CIP2A: variants seen among roughly 807,000 people sequenced by gnomAD.
CIP2A encodes the protein cellular inhibitor of PP2A.
A neutral mutation model predicts 110.9 loss-of-function variants in CIP2A; 103 were observed. That is an observed-to-expected ratio of 0.93 (90% CI 0.79 to 1.09). The LOEUF (loss-of-function observed/expected upper bound fraction) is 1.09, where lower values mean the gene tolerates loss of function less well. Among genes scored for constraint, CIP2A ranks in the 50% least tolerant of loss-of-function variants. CIP2A has a pLI of 0.00. For synonymous variants in CIP2A, 381 were observed against 361.6 expected, an observed-to-expected ratio of 1.05 and a Z score of -0.61; for missense variants, 1,088 against 1,038.4, an observed-to-expected ratio of 1.05 and a Z score of -0.66.
At chr3:108,570,230 A>T (rs6779762) in intron 8 of CIP2A, among the ~76,000 whole-genome samples, 34,983 of 146,588 alleles carry the variant, frequency 0.24, 4,705 homozygotes, top group Non-Finnish European at 0.31. Flanking sequence ...AAAAAAAAAA[A>T]ATTTCTTAAG....
At chr3:108,584,030 ATC>A (rs1938968171) in intron 2 of CIP2A, among the ~76,000 whole-genome samples, 1 of 152,218 alleles carries the variant, frequency 6.6e-6, no homozygotes, top group Non-Finnish European at 1.5e-5. Context: ...AAGTGGAAGA[ATC>A]TTTTCAGAAA....
intron 5 of CIP2A, among the ~76,000 whole-genome samples, chr3:108,580,207 C>G (rs1429578199): frequency 2.6e-5 from 4 of 152,138 alleles, no homozygotes; most frequent in African/African-American, 9.7e-5. Flanking sequence ...CACCGTGGAG[C>G]AGCAATTAAC....
intron 8 of CIP2A, among the ~76,000 whole-genome samples, chr3:108,573,665 T>C (rs1460880128): frequency 6.6e-6 from 1 of 152,018 alleles, no homozygotes; most frequent in Admixed American, 6.6e-5. Flanking sequence ...TTAAGATCCA[T>C]TTAGATACTA....
intron 2 of CIP2A, among the ~76,000 whole-genome samples, chr3:108,584,298 C>A (rs889413153): frequency 6.6e-6 from 1 of 152,180 alleles, no homozygotes; most frequent in Non-Finnish European, 1.5e-5. Flanking sequence ...TGCTCCACAA[C>A]ACCATTTGTG....
At position 108,552,453 on chromosome 3, in the gene CIP2A, G is replaced by A. The variant is rs531622250; in HGVS notation, c.2408-80C>T. On this transcript the variant is annotated intron_variant, in intron 19 of 20. Coordinates refer to ENST00000295746, the MANE Select transcript of CIP2A (RefSeq NM_020890.3). ...TGAAATGGTCTAGTAGCTACTGTAA[G>A]AGCAAAAGAGAAATAACTAGAACAA... The A allele has an allele frequency of 6.8e-5, 53 of 783,020 alleles. 1 individual carries two copies. In the South Asian group the frequency reaches 1.5e-3, roughly 22 times the overall value. The allele number at this position is 783,020 out of a possible 1,614,324, so 48.5% of individuals were successfully genotyped here. A position where few individuals can be genotyped will look rare whatever the true frequency, so the allele number is the denominator to read the frequency against.
chr3:108,565,367 G>A lies in CIP2A; in HGVS notation c.1503C>T (p.Tyr501=), dbSNP rs115693355. 26,155 of 1,569,616 alleles carry A rather than the reference G, an allele frequency of 0.017. 385 individuals carry two copies. The highest frequency in any genetic ancestry group is 0.017 in the Non-Finnish European group (20,003 of 1,147,458). The change falls in exon 12 of 21, where the codon TAC becomes TAT. Residue 501 remains tyrosine, a synonymous_variant. Transcript: ENST00000295746. ...AGTTTAAACTCACCTGAAGTATTTT[G>A]TAGAAGCTTACTTCCATACCAGGAA... ...PLVPGMEVSF[Y]KILQDPRLIT... is the part of the protein sequence containing the mutation.
intron 12 of CIP2A, among the ~76,000 whole-genome samples, chr3:108,565,133 T>C (rs538163876): frequency 5.9e-5 from 9 of 152,066 alleles, no homozygotes; most frequent in Admixed American, 3.9e-4. Flanking sequence ...GAACATTCTC[T>C]ACATTAGTGT....
chr3:108,572,302 T>C (rs1441026909), intron 8 of CIP2A, among the ~76,000 whole-genome samples: 1 of 152,120 alleles, frequency 6.6e-6, no homozygotes, highest in Non-Finnish European at 1.5e-5. Context: ...AGGTGTTTTT[T>C]CTAAAACGTT....
chr3:108,565,231 A>T, intron 12 of CIP2A, 124 bp downstream of exon 12: 1 of 566,074 alleles, frequency 1.8e-6, no homozygotes, highest in Non-Finnish European at 3.1e-6. Flanking sequence ...ACAACTTTAA[A>T]CTTTCTTCTC....
At chr3:108,581,055 A>C (rs1010345406) in intron 5 of CIP2A, among the ~76,000 whole-genome samples, 2 of 152,250 alleles carry the variant, frequency 1.3e-5, no homozygotes, top group Admixed American at 6.5e-5. Flanking sequence ...GATTTTGTGG[A>C]AACACAAGAC....
At chr3:108,566,361 C>T in intron 11 of CIP2A, 136 bp downstream of exon 11, 1 of 632,658 alleles carries the variant, frequency 1.6e-6, no homozygotes, top group Non-Finnish European at 2.6e-6. Context: ...ACAAAAAATT[C>T]ATTATGAAAA....
At chr3:108,586,816 A>T (rs1939055139) in intron 1 of CIP2A, among the ~76,000 whole-genome samples, 1 of 152,130 alleles carries the variant, frequency 6.6e-6, no homozygotes, top group Admixed American at 6.5e-5. Flanking sequence ...TAAAAATCAG[A>T]TTAGCTCAGC....
chr3:108,555,831 G>C (rs1353849270), intron 17 of CIP2A, among the ~76,000 whole-genome samples: 1 of 151,960 alleles, frequency 6.6e-6, no homozygotes, highest in Non-Finnish European at 1.5e-5. Context: ...TATGATTTTT[G>C]TCTGTAACTT....
intron 13 of CIP2A, among the ~76,000 whole-genome samples, chr3:108,561,983 T>G (rs1159884034): frequency 6.6e-6 from 1 of 152,146 alleles, no homozygotes; most frequent in African/African-American, 2.4e-5. Flanking sequence ...TACCAGTTTA[T>G]GCAAGCAGGC....
intron 12 of CIP2A, among the ~76,000 whole-genome samples, chr3:108,564,326 A>G (rs1035566429): frequency 2.0e-5 from 3 of 151,988 alleles, no homozygotes; most frequent in Admixed American, 2.0e-4. Context: ...TCCCTGCCTA[A>G]GGTTTCAGTT....
At chr3:108,575,548 A>ATG (rs1553695639) in intron 8 of CIP2A, among the ~76,000 whole-genome samples, 2 of 148,382 alleles carry the variant, frequency 1.3e-5, no homozygotes, top group African/African-American at 5.0e-5. Flanking sequence ...ACTCATATAC[A>ATG]TGTGTATATA....
chr3:108,564,248 A>G (rs991415124), intron 12 of CIP2A, among the ~76,000 whole-genome samples: 3 of 151,926 alleles, frequency 2.0e-5, no homozygotes, highest in Non-Finnish European at 4.4e-5. Flanking sequence ...AACTTACTCA[A>G]GCCTGTACTA....
At chr3:108,575,891 TGAGTATATATACATATATAC>T (rs1938623415) in intron 8 of CIP2A, among the ~76,000 whole-genome samples, 11 of 91,330 alleles carry the variant, frequency 1.2e-4, no homozygotes, top group African/African-American at 3.0e-4. Flanking sequence ...TACATGTGTA[TGAGTATATATACATATATAC>T]ATATACGTAT....
In CIP2A at chr3:108,568,420, T is replaced by C. The variant is rs1430686931; in HGVS notation, c.1114-106A>G. The stretch of plus-strand genomic sequence containing the variant: ...CTCTCTTTAAATTTTTTATATTTCC[T>C]TCAATATGCCATTGACCTAAGTCTC... On this transcript the variant is annotated intron_variant, in intron 9 of 20. Coordinates refer to ENST00000295746, the MANE Select transcript of CIP2A (RefSeq NM_020890.3). The C allele has an allele frequency of 6.0e-6, 5 of 839,460 alleles. No individual in the cohort carries two copies. The East Asian group carries it at 1.1e-4, about 19-fold the overall frequency. 52.0% of individuals were successfully genotyped at this position (839,460 alleles called of 1,614,324 possible).
Sources: gnomAD v4.1 joint callset for allele counts (sites outside exome capture counted in the v4.1 genomes callset) on GRCh38, gnomAD v4.1.1 for gene constraint, MANE v1.5 for transcripts, NCBI Gene and HGNC (gene_info 2026-07-23, HGNC 2026-07-21) for gene names.